Variants in COL1A2 observed in about 807,000 individuals in gnomAD.
COL1A2 encodes collagen alpha-2(I) chain.
COL1A2 carries 49 observed loss-of-function variants against 174.3 expected under a neutral mutation model. The ratio of observed to expected loss-of-function variants is 0.28; its 90% CI spans 0.22 to 0.36. COL1A2 has a LOEUF of 0.36. Ranked by LOEUF, COL1A2 falls within the 10% of genes least tolerant of loss-of-function variation. COL1A2 has a pLI of 1.00. For missense variants in COL1A2, 1,438 were observed against 1,822.7 expected (o/e 0.79, Z 3.84); for synonymous variants, 655 against 606.6 (o/e 1.08, Z -1.17).
Position 94,416,799 on chromosome 7 carries a change from T to C in COL1A2, c.1863+296T>C, listed in dbSNP as rs972677115. 2.3e-5 allele frequency: 8 copies of C among 352,556 alleles called. No homozygotes were observed. The Admixed American group carries it at 3.4e-4, about 15-fold the overall frequency. The allele number at this position is 352,556 out of a possible 1,614,324, so 21.8% of individuals were successfully genotyped here. A position where few individuals can be genotyped will look rare whatever the true frequency, so the allele number is the denominator to read the frequency against. On this transcript the variant is annotated intron_variant, in intron 31 of 51. Transcript: ENST00000297268. ...ATGCTTTTGTTTTAATCTAGAAACA[T>C]TGTATTCATTGGACATTATTTTCAG...
chr7:94,397,310 A>G (rs551880441), intron 1 of COL1A2, among the ~76,000 whole-genome samples: 1 of 152,304 alleles, frequency 6.6e-6, no homozygotes, highest in East Asian at 1.9e-4. Context: ...TTTTAAGGTA[A>G]CATACTTTCC....
intron 32 of COL1A2, among the ~76,000 whole-genome samples, chr7:94,418,102 T>A (rs536300292): frequency 3.5e-4 from 53 of 152,302 alleles, no homozygotes; most frequent in South Asian, 3.3e-3. Context: ...CCTCATCCTG[T>A]CCTAATTAAT....
At position 94,409,728 on chromosome 7, in the gene COL1A2, T is replaced by C. The variant is rs780887310; in HGVS notation, c.942T>C (p.Leu314=). The C allele has an allele frequency of 1.3e-5, 21 of 1,614,028 alleles. No homozygotes were observed. The highest frequency in any genetic ancestry group is 1.1e-5 in the Non-Finnish European group (13 of 1,180,014). The change falls in exon 19 of 52, where the codon CTT becomes CTC. Residue 314 remains leucine, a synonymous_variant. Transcript: ENST00000297268. ...GLTGAKGAAG[L]PGVAGAPGLP... ...CACTGCATTTTCCTTCACAGGGCCT[T>C]CCCGGCGTTGCTGGGGCTCCCGGCC...
chr7:94,400,326 T>C (rs767902140), intron 5 of COL1A2, 38 bp downstream of exon 5: 248 of 1,546,792 alleles, frequency 1.6e-4, no homozygotes, highest in Non-Finnish European at 2.1e-4. Flanking sequence ...TTAGCTAACT[T>C]CAGTTGAAAG....
In COL1A2 at chr7:94,427,933, T is replaced by C. The variant is rs144430292; in HGVS notation, c.3526+48T>C. On this transcript the variant is annotated intron_variant, in intron 49 of 51. Transcript: ENST00000297268. ...GACTGACCCTTCTCACAAGTTGAGC[T>C]TTTCAAAATTAGTTTCCATTGACAT... The C allele has an allele frequency of 5.9e-5, 95 of 1,601,226 alleles. No homozygotes were observed. The African/African-American group carries it at 1.2e-3, about 21-fold the overall frequency.
chr7:94,427,332 G>A (rs771625125), intron 48 of COL1A2, 37 bp downstream of exon 48: 18 of 1,539,582 alleles, frequency 1.2e-5, no homozygotes, highest in Admixed American at 1.9e-5. Flanking sequence ...AGAAGATCAC[G>A]GACCTAAGGA....
chr7:94,412,218 A>T (rs1791943525), intron 24 of COL1A2, 97 bp downstream of exon 24: 2 of 1,029,582 alleles, frequency 1.9e-6, no homozygotes, highest in Admixed American at 3.9e-5. Flanking sequence ...CACATTGAAA[A>T]TAAATATCAG....
chr7:94,419,457 C>T (rs112022789), intron 33 of COL1A2, 41 bp from the exon 34 acceptor site: 55 of 1,599,588 alleles, frequency 3.4e-5, no homozygotes, highest in Middle Eastern at 1.7e-4. Context: ...TTTGATGATA[C>T]GGGGTGTTAT....
intron 12 of COL1A2, among the ~76,000 whole-genome samples, chr7:94,406,699 C>T (rs1482562838): frequency 6.6e-6 from 1 of 152,150 alleles, no homozygotes; most frequent in East Asian, 1.9e-4. Flanking sequence ...TAGGTACATT[C>T]ATGTCGCTAT....
intron 10 of COL1A2, 46 bp downstream of exon 10, chr7:94,405,298 T>C: frequency 6.6e-7 from 1 of 1,506,568 alleles, no homozygotes; most frequent in Non-Finnish European, 9.2e-7. Context: ...CATAGGCCTA[T>C]AAGATAGTTG....
chr7:94,400,025 C>A, intron 4 of COL1A2, 171 bp from the exon 5 acceptor site: 1 of 774,726 alleles, frequency 1.3e-6, no homozygotes, highest in South Asian at 1.4e-5. Context: ...GTTATTAACC[C>A]TCTTTCTAAA....
At chr7:94,421,298 A>C (rs1253681369) in intron 38 of COL1A2, 2 of 583,500 alleles carry the variant, frequency 3.4e-6, no homozygotes, top group East Asian at 5.8e-5. Flanking sequence ...AGGCAGTTTA[A>C]TTGTAAAGTC....
At chr7:94,409,866 T>C (rs1293501616) in intron 19 of COL1A2, 45 bp downstream of exon 19, 5 of 1,546,252 alleles carry the variant, frequency 3.2e-6, no homozygotes, top group African/African-American at 1.4e-5. Context: ...AAATACCACC[T>C]CTGCCATCAT....
intron 40 of COL1A2, chr7:94,423,393 G>T: frequency 2.2e-6 from 1 of 457,516 alleles, no homozygotes. Context: ...ACCAGGATTA[G>T]AACAGAGTCC....
In COL1A2 at chr7:94,412,066, A is replaced by G. The variant is rs1791940132; in HGVS notation, c.1351-2A>G. The G allele has an allele frequency of 6.2e-7, 1 of 1,610,728 alleles. No homozygotes were observed. On this transcript the variant is annotated splice_acceptor_variant, in intron 23 of 51. Coordinates refer to ENST00000297268, the MANE Select transcript of COL1A2 (RefSeq NM_000089.4). LOFTEE classifies it high-confidence loss of function. The stretch of plus-strand genomic sequence containing the variant: ...ATAAAAACATCCTCATTTATTTTAT[A>G]GGGTCTTCCTGGTTCCCCTGGAAAT...
chr7:94,407,894 A>G lies in COL1A2; in HGVS notation c.639+3A>G, dbSNP rs2115886901. 2 of 1,612,404 alleles carry G rather than the reference A, an allele frequency of 1.2e-6. No homozygotes were observed. The highest frequency in any genetic ancestry group is 1.3e-5 in the African/African-American group (1 of 74,972). ...AAAATGGAACTCCAGGTCAAACAGTAAGTATTGACTACTTCATTGTAAATT... is the reference window on the plus strand; with the variant it reads ...AAAATGGAACTCCAGGTCAAACAGTGAGTATTGACTACTTCATTGTAAATT... On this transcript the variant is annotated splice_donor_region_variant and intron_variant, in intron 13 of 51. Transcript: ENST00000297268.
intron 41 of COL1A2, 24 bp downstream of exon 41, chr7:94,424,467 C>T (rs1298163112): frequency 3.8e-6 from 6 of 1,593,568 alleles, no homozygotes; most frequent in East Asian, 2.2e-5. Context: ...AGTATTCTGA[C>T]TCCATTAACA....
intron 23 of COL1A2, among the ~76,000 whole-genome samples, chr7:94,411,583 G>T (rs1441932187): frequency 6.6e-6 from 1 of 152,144 alleles, no homozygotes; most frequent in Non-Finnish European, 1.5e-5. Context: ...CACTAGCTAT[G>T]GAGAAATAAC....
intron 31 of COL1A2, chr7:94,416,801 G>A (rs1792051986): frequency 3.0e-6 from 1 of 332,600 alleles, no homozygotes; most frequent in South Asian, 4.8e-5. Flanking sequence ...TAGAAACATT[G>A]TATTCATTGG....
Sources: gnomAD v4.1 joint callset for allele counts (sites outside exome capture counted in the v4.1 genomes callset) on GRCh38, gnomAD v4.1.1 for gene constraint, MANE v1.5 for transcripts, NCBI Gene and HGNC (gene_info 2026-07-23, HGNC 2026-07-21) for gene names.